Variants in FIG4 observed in about 807,000 individuals in gnomAD.
FIG4 encodes polyphosphoinositide phosphatase.
In FIG4, 112 loss-of-function variants were observed where a neutral mutation model predicts 118.6. That is an observed-to-expected ratio of 0.94 (90% CI 0.81 to 1.11). The LOEUF (loss-of-function observed/expected upper bound fraction) is 1.11. FIG4 is among the 50% of genes least tolerant of loss of function. FIG4 has a pLI of 0.00. For missense variants in FIG4, 969 were observed against 1,111.7 expected (o/e 0.87, Z 1.83); for synonymous variants, 369 against 381.2 (o/e 0.97, Z 0.37).
intron 16 of FIG4, among the ~76,000 whole-genome samples, chr6:109,783,940 C>A (rs181263027): frequency 4.9e-4 from 74 of 152,258 alleles, no homozygotes; most frequent in African/African-American, 1.7e-3. Flanking sequence ...CTTCATATTC[C>A]TTTTTTCATC....
At chr6:109,773,178 C>A (rs1198116143) in intron 15 of FIG4, among the ~76,000 whole-genome samples, 1 of 152,228 alleles carries the variant, frequency 6.6e-6, no homozygotes, top group Non-Finnish European at 1.5e-5. Flanking sequence ...CCCCTCCTGC[C>A]TTCCTCTTCA....
intron 15 of FIG4, among the ~76,000 whole-genome samples, chr6:109,770,894 AC>A (rs1377313058): frequency 6.6e-6 from 1 of 152,134 alleles, no homozygotes; most frequent in Non-Finnish European, 1.5e-5. Context: ...CGTGTGGAAG[AC>A]AGTGATCCCA....
At chr6:109,732,569 G>T in intron 4 of FIG4, 68 bp from the exon 5 acceptor site, 1 of 816,614 alleles carries the variant, frequency 1.2e-6, no homozygotes, top group Non-Finnish European at 2.1e-6. Flanking sequence ...GTACATATGG[G>T]TACATGTTAA....
Position 109,789,580 on chromosome 6 carries a change from T to C in FIG4, c.2097-14T>C, listed in dbSNP as rs1263104067. The stretch of plus-strand genomic sequence containing the variant: ...CAGTAATTCATATGTAATTGTGTTT[T>C]CACCTTTCTTTAGTGACTTTATGCC... On this transcript the variant is annotated splice_polypyrimidine_tract_variant and intron_variant, in intron 18 of 22. Transcript: ENST00000230124. 6.2e-7 allele frequency: 1 copy of C among 1,600,312 alleles called. No homozygotes were observed. Among genetic ancestry groups the C allele is most frequent in the African/African-American group, 1.3e-5 (1 of 74,648 alleles).
At chr6:109,792,900 A>G (rs1239922831) in intron 21 of FIG4, among the ~76,000 whole-genome samples, 1 of 152,020 alleles carries the variant, frequency 6.6e-6, no homozygotes, top group African/African-American at 2.4e-5. Flanking sequence ...TGTGTTGCCC[A>G]GGCTAGCCTC....
At chr6:109,811,720 A>G (rs1778726160) in intron 22 of FIG4, among the ~76,000 whole-genome samples, 4 of 152,214 alleles carry the variant, frequency 2.6e-5, no homozygotes, top group Non-Finnish European at 5.9e-5. Flanking sequence ...AACACAAAGC[A>G]GGGGAATGCG....
chr6:109,696,275 TC>T (rs1382477601), intron 1 of FIG4, among the ~76,000 whole-genome samples: 1 of 152,228 alleles, frequency 6.6e-6, no homozygotes, highest in African/African-American at 2.4e-5. Context: ...TCAAACTAGA[TC>T]CTGTTCAGAC....
intron 10 of FIG4, among the ~76,000 whole-genome samples, chr6:109,759,680 A>C (rs1373698546): frequency 6.6e-6 from 1 of 152,238 alleles, no homozygotes; most frequent in Non-Finnish European, 1.5e-5. Flanking sequence ...AGGAGGCAGA[A>C]GGCAAGGTTT....
chr6:109,792,733 T>C lies in FIG4; in HGVS notation c.2459+69T>C. On this transcript the variant is annotated intron_variant, in intron 21 of 22. Coordinates refer to ENST00000230124, the MANE Select transcript of FIG4 (RefSeq NM_014845.6). ...TAATTACAGTAACTTCTAACTACTATACCTTTTTTTTTTTTTTTTTTTGGA... is the reference window on the plus strand; with the variant it reads ...TAATTACAGTAACTTCTAACTACTACACCTTTTTTTTTTTTTTTTTTTGGA... 1.2e-5 allele frequency: 8 copies of C among 682,338 alleles called. No homozygotes were observed. The South Asian group carries it at 1.2e-4, about 10-fold the overall frequency. 42.3% of individuals were successfully genotyped at this position (682,338 alleles called of 1,614,324 possible).
intron 16 of FIG4, among the ~76,000 whole-genome samples, chr6:109,778,674 C>T (rs1418918720): frequency 1.3e-5 from 2 of 152,052 alleles, no homozygotes; most frequent in East Asian, 3.9e-4. Flanking sequence ...TCTCAGCTCA[C>T]TGCAAGCTCT....
intron 15 of FIG4, among the ~76,000 whole-genome samples, chr6:109,772,673 G>C (rs2128393886): frequency 6.6e-6 from 1 of 152,102 alleles, no homozygotes; most frequent in African/African-American, 2.4e-5. Flanking sequence ...GGCTGGTCTT[G>C]AACTCCCGAC....
intron 22 of FIG4, among the ~76,000 whole-genome samples, chr6:109,799,842 G>A (rs1165993350): frequency 6.6e-6 from 1 of 152,170 alleles, no homozygotes; most frequent in Non-Finnish European, 1.5e-5. Context: ...ACTGGTCAAT[G>A]TCTGTACTGT....
At chr6:109,751,505 G>C (rs1776694397) in intron 10 of FIG4, among the ~76,000 whole-genome samples, 1 of 152,152 alleles carries the variant, frequency 6.6e-6, no homozygotes, top group Non-Finnish European at 1.5e-5. Flanking sequence ...GCTCCTCTTT[G>C]TACCTCTGGT....
intron 22 of FIG4, among the ~76,000 whole-genome samples, chr6:109,822,783 G>GTGTGTATATA (rs1779041323): frequency 8.3e-6 from 1 of 120,682 alleles, no homozygotes; most frequent in African/African-American, 3.5e-5. Flanking sequence ...GTGTGTGTGT[G>GTGTGTATATA]TATGTATATA....
rs184949567 is a variant in FIG4, at chr6:109,726,012, T to C, written c.290-1097T>C. 5.9e-5 allele frequency among the ~76,000 whole-genome samples: 9 copies of C among 152,338 alleles called. No homozygotes were observed. The East Asian group carries it at 1.5e-3, about 26-fold the overall frequency. On this transcript the variant is annotated intron_variant, in intron 3 of 22. Transcript: ENST00000230124. The stretch of plus-strand genomic sequence containing the variant: ...TTCTGGATATTAGCCCTTTGTGAGA[T>C]GGATAGATTGCAACAATCTTCTCCC...
chr6:109,708,941 T>C (rs969274856), intron 1 of FIG4, among the ~76,000 whole-genome samples: 7 of 152,256 alleles, frequency 4.6e-5, no homozygotes, highest in Non-Finnish European at 1.0e-4. Flanking sequence ...TAGTTTATTT[T>C]GCTGTGCAGA....
At chr6:109,731,333 C>T (rs1410306962) in intron 4 of FIG4, among the ~76,000 whole-genome samples, 1 of 152,186 alleles carries the variant, frequency 6.6e-6, no homozygotes, top group African/African-American at 2.4e-5. Flanking sequence ...GTTCTTGTTT[C>T]CGTGTATCTG....
At chr6:109,746,669 C>T (rs1040028057) in intron 10 of FIG4, among the ~76,000 whole-genome samples, 10 of 152,114 alleles carry the variant, frequency 6.6e-5, no homozygotes, top group Non-Finnish European at 1.3e-4. Context: ...GGCCTTCTTC[C>T]TGAGAGTAAT....
intron 1 of FIG4, among the ~76,000 whole-genome samples, chr6:109,709,364 G>A (rs182967360): frequency 3.9e-5 from 6 of 152,274 alleles, no homozygotes; most frequent in Admixed American, 3.9e-4. Context: ...GGTTACTTTA[G>A]CCCTGTAGTG....
Sources: allele counts gnomAD v4.1 joint callset (sites outside exome capture counted in the v4.1 genomes callset), GRCh38; gene constraint gnomAD v4.1.1; transcripts MANE v1.5; gene names NCBI Gene and HGNC (gene_info 2026-07-23, HGNC 2026-07-21).